The following SAMD12 variants were observed in gnomAD, a reference collection of about 807,000 sequenced individuals.
SAMD12 encodes sterile alpha motif domain-containing protein 12.
In SAMD12, 9 loss-of-function variants were observed where a neutral mutation model predicts 15.0. The ratio of observed to expected loss-of-function variants is 0.60; its 90% confidence interval spans 0.36 to 1.05. The LOEUF is 1.05. SAMD12 is among the 50% of genes least tolerant of loss of function. SAMD12 has a pLI of 0.01. For missense variants in SAMD12, 230 were observed against 234.2 expected (o/e 0.98, Z 0.12); for synonymous variants, 86 against 90.1 (o/e 0.96, Z 0.25).
chr8:118,382,118 A>G (rs1819705366), intron 3 of SAMD12, among the ~76,000 whole-genome samples: 2 of 152,240 alleles, frequency 1.3e-5, no homozygotes, highest in South Asian at 4.1e-4. Flanking sequence ...AATAACAGAC[A>G]TCTACATCTT....
chr8:118,442,195 G>C (rs1822784677), intron 2 of SAMD12, among the ~76,000 whole-genome samples: 1 of 152,212 alleles, frequency 6.6e-6, no homozygotes, highest in South Asian at 2.1e-4. Flanking sequence ...GGTGAAGATG[G>C]GAGGGTGAGA....
At chr8:118,313,690 C>G (rs1815742424) in intron 4 of SAMD12, among the ~76,000 whole-genome samples, 3 of 152,018 alleles carry the variant, frequency 2.0e-5, no homozygotes, top group African/African-American at 7.2e-5. Flanking sequence ...GAACCAGAGA[C>G]AGTTAGTTTA....
downstream of SAMD12, among the ~76,000 whole-genome samples, chr8:118,377,070 G>A (rs935404122): frequency 8.6e-5 from 13 of 151,808 alleles, no homozygotes. Context: ...ATAAGGCTAT[G>A]TATTTTCTGA....
chr8:118,448,026 C>A (rs940606832), intron 2 of SAMD12, among the ~76,000 whole-genome samples: 1 of 152,162 alleles, frequency 6.6e-6, no homozygotes, highest in Non-Finnish European at 1.5e-5. Context: ...CCGCGCCCAG[C>A]CTCTTTGATG....
chr8:118,216,464 A>G (rs1003410957), intron 4 of SAMD12, among the ~76,000 whole-genome samples: 1 of 151,910 alleles, frequency 6.6e-6, no homozygotes, highest in Admixed American at 6.6e-5. Flanking sequence ...TCTTTAGTTT[A>G]ATTAGATCCC....
chr8:118,289,680 C>T (rs11562688), intron 4 of SAMD12, among the ~76,000 whole-genome samples: 12,396 of 152,214 alleles, frequency 0.081, 880 homozygotes, highest in East Asian at 0.33. Flanking sequence ...TAAGTTGTTG[C>T]CACCTGTTCT....
At chr8:118,411,078 T>C (rs540947857) in intron 3 of SAMD12, among the ~76,000 whole-genome samples, 5 of 152,294 alleles carry the variant, frequency 3.3e-5, no homozygotes, top group African/African-American at 1.2e-4. Flanking sequence ...TTAGAAACAC[T>C]GTTGAGTATA....
intron 2 of SAMD12, among the ~76,000 whole-genome samples, chr8:118,548,737 G>A (rs567520241): frequency 3.9e-5 from 6 of 152,242 alleles, no homozygotes; most frequent in African/African-American, 7.2e-5. Flanking sequence ...TGCCTCACTC[G>A]GGAAGTGCAA....
At chr8:118,366,910 AAAAT>A (rs1422842924) in intron 4 of SAMD12, among the ~76,000 whole-genome samples, 36 of 93,312 alleles carry the variant, frequency 3.9e-4, no homozygotes, top group Middle Eastern at 5.8e-3. Context: ...AAAATAAAAT[AAAAT>A]AAAAATGAAC....
intron 1 of SAMD12, among the ~76,000 whole-genome samples, chr8:118,587,561 A>G (rs1287299186): frequency 6.6e-6 from 1 of 152,248 alleles, no homozygotes; most frequent in African/African-American, 2.4e-5. Context: ...TTTGATGGGA[A>G]ACAAACAGTT....
At chr8:118,471,530 G>A (rs1036226057) in intron 2 of SAMD12, among the ~76,000 whole-genome samples, 1 of 152,146 alleles carries the variant, frequency 6.6e-6, no homozygotes, top group African/African-American at 2.4e-5. Flanking sequence ...AGGAGAATAG[G>A]CCAAAGAAAC....
the SAMD12 span, among the ~76,000 whole-genome samples, chr8:118,150,865 A>T: frequency 6.6e-6 from 1 of 151,864 alleles, no homozygotes; most frequent in Non-Finnish European, 1.5e-5. Context: ...ATCTGAAAAA[A>T]TTTTTATTTT....
At position 118,191,840 on chromosome 8, in the gene SAMD12, AGAGAGAGAGAGT is replaced by A. The variant is rs1248913369; in HGVS notation, c.*5858_*5869del. 13 of 131,020 alleles carry A rather than the reference AGAGAGAGAGAGT, an allele frequency of 9.9e-5. 1 individual carries two copies. Among genetic ancestry groups the A allele is most frequent in the African/African-American group, 3.5e-4 (13 of 36,722 alleles). 8.1% of individuals were successfully genotyped at this position (131,020 alleles called of 1,614,324 possible). On this transcript the variant is annotated 3_prime_UTR_variant, in exon 5 of 5. Coordinates refer to the SAMD12 transcript ENST00000409003. ...GAGAGAGAGAGAGAGAGAGAGAGAG[AGAGAGAGAGAGT>A]GAGAAAAGTAGAACTGATTTAGGGA...
At chr8:118,442,561 T>C (rs1171873123) in intron 2 of SAMD12, among the ~76,000 whole-genome samples, 1 of 152,254 alleles carries the variant, frequency 6.6e-6, no homozygotes, top group Non-Finnish European at 1.5e-5. Context: ...TGATGATGTT[T>C]AGGTTTCTTT....
At chr8:118,287,122 AT>A (rs202200197) in intron 4 of SAMD12, among the ~76,000 whole-genome samples, 251 of 132,826 alleles carry the variant, frequency 1.9e-3, no homozygotes, top group Middle Eastern at 3.8e-3. Flanking sequence ...AAGGAAGAAT[AT>A]TTTTTTTTTT....
At chr8:118,346,873 T>C (rs981300476) in intron 4 of SAMD12, among the ~76,000 whole-genome samples, 9 of 152,218 alleles carry the variant, frequency 5.9e-5, no homozygotes, top group Non-Finnish European at 5.9e-5. Context: ...GAAATGTCTA[T>C]GAGGCAAGCT....
At chr8:118,170,757 G>A in the SAMD12 span, among the ~76,000 whole-genome samples, 4 of 152,214 alleles carry the variant, frequency 2.6e-5, no homozygotes, top group East Asian at 7.7e-4. Flanking sequence ...AAACCTTTGT[G>A]ACCTTGGCTA....
At chr8:118,297,835 T>A (rs984582700) in intron 4 of SAMD12, among the ~76,000 whole-genome samples, 27 of 152,234 alleles carry the variant, frequency 1.8e-4, no homozygotes, top group Non-Finnish European at 1.5e-4. Flanking sequence ...AAAAATAATT[T>A]TTTAAATAAT....
intron 3 of SAMD12, among the ~76,000 whole-genome samples, chr8:118,393,086 T>C (rs1247553967): frequency 6.6e-6 from 1 of 152,222 alleles, no homozygotes; most frequent in Non-Finnish European, 1.5e-5. Context: ...TGTCAGGCTC[T>C]TTTCTACCCA....
Sources: gnomAD v4.1 joint callset for allele counts (sites outside exome capture counted in the v4.1 genomes callset) on GRCh38, gnomAD v4.1.1 for gene constraint, MANE v1.5 for transcripts, NCBI Gene and HGNC (gene_info 2026-07-23, HGNC 2026-07-21) for gene names.